Variants in TKFC observed in about 807,000 individuals in gnomAD.
The protein encoded by TKFC is triokinase and FMN cyclase.
Under a neutral mutation model 61.0 loss-of-function variants are expected in TKFC, and 46 were observed. That is an observed-to-expected ratio of 0.75 (90% CI 0.60 to 0.96). TKFC has a LOEUF of 0.96. Ranked by LOEUF, TKFC falls within the 50% of genes least tolerant of loss-of-function variation. The pLI, the probability that TKFC is intolerant of heterozygous loss-of-function variation, is 0.00. For missense variants in TKFC, 715 were observed against 777.5 expected (o/e 0.92, Z 0.96); for synonymous variants, 314 against 330.1 (o/e 0.95, Z 0.53).
rs1463094301 is a variant in TKFC, at chr11:61,347,475, G to C, written c.*972G>C. On this transcript the variant is annotated 3_prime_UTR_variant, in exon 18 of 18. Coordinates refer to ENST00000394900, the MANE Select transcript of TKFC (RefSeq NM_015533.4). ...GATGGCTTGGGCCCAGGAGGTCGAG[G>C]CTGCGGTGAGCCATAAGCATGCCAC... is the stretch of plus-strand genomic sequence containing the variant. 2 of 980,382 alleles carry C rather than the reference G, an allele frequency of 2.0e-6. No individual in the cohort carries two copies. Among genetic ancestry groups the C allele is most frequent in the Non-Finnish European group, 1.2e-6 (1 of 825,750 alleles). 60.7% of individuals were successfully genotyped at this position (980,382 alleles called of 1,614,324 possible).
chr11:61,334,598 G>A (rs1856524427), intron 1 of TKFC, 22 bp from the exon 2 acceptor site: 1 of 1,215,020 alleles, frequency 8.2e-7, no homozygotes, highest in Non-Finnish European at 1.2e-6. Flanking sequence ...TCCGCAGCTT[G>A]TATCGTTACC....
In TKFC at chr11:61,341,480, C is replaced by T. The variant is rs978212334; in HGVS notation, c.531C>T (p.Ile177=). ...LAEAGVGLEE[I]AKQVNVVAKA... Reference sequence around the variant, plus strand: ...AGGCTGGTGTGGGGCTGGAGGAGATCGCAAAGCAGGTGAACGTGGTCGCCA... The same window carrying T: ...AGGCTGGTGTGGGGCTGGAGGAGATTGCAAAGCAGGTGAACGTGGTCGCCA... Residue 177 remains isoleucine, a synonymous_variant, in exon 6 of 18, where the codon ATC becomes ATT. Transcript: ENST00000394900. The T allele has an allele frequency of 1.2e-5, 18 of 1,555,144 alleles. No homozygotes were observed. Among genetic ancestry groups the T allele is most frequent in the African/African-American group, 2.7e-5 (2 of 73,356 alleles).
At chr11:61,351,121 C>T (rs1230655241), downstream of TKFC, 1 of 1,613,640 alleles carries the variant, frequency 6.2e-7, no homozygotes, top group Non-Finnish European at 8.5e-7. Flanking sequence ...ACTGGGCAGG[C>T]TGTGGTATGG....
Position 61,344,148 on chromosome 11 carries a change from A to T in TKFC, c.1115A>T (p.Lys372Met). The T allele has an allele frequency of 6.2e-7, 1 of 1,612,272 alleles. No individual in the cohort carries two copies. The highest frequency in any genetic ancestry group is 8.5e-7 in the Non-Finnish European group (1 of 1,179,994). ...DSTAAGGSAS[K>M]RMALVLERVC... is the part of the protein sequence containing the mutation. ...CCTCCCTTTCTAGGCTCAGCCTCGA[A>T]GCGGATGGCGCTGGTGCTGGAACGG... is the stretch of plus-strand genomic sequence containing the variant. Residue 372 changes from lysine (K) to methionine (M), a missense_variant, in exon 13 of 18, where the codon AAG becomes ATG. Transcript: ENST00000394900.
At chr11:61,350,466 G>A (rs200462304), downstream of TKFC, 365 of 1,606,948 alleles carry the variant, frequency 2.3e-4, 2 homozygotes, top group African/African-American at 4.4e-3. Context: ...ACATGATGCA[G>A]GAGTCACACC....
At chr11:61,341,952 T>C (rs573143928) in intron 7 of TKFC, 40 bp downstream of exon 7, 43 of 1,584,978 alleles carry the variant, frequency 2.7e-5, no homozygotes, top group Admixed American at 1.4e-4. Flanking sequence ...GCCTGCTCCT[T>C]GGCCCTGGAC....
Position 61,334,591 on chromosome 11 carries a change from G to A in TKFC, c.-109-29G>A, listed in dbSNP as rs139003870. On this transcript the variant is annotated intron_variant, in intron 1 of 17. Coordinates refer to ENST00000394900, the MANE Select transcript of TKFC (RefSeq NM_015533.4). Reference sequence around the variant, plus strand: ...TGCCAGTCGACTGCGAGTTCCTTCCGCAGCTTGTATCGTTACCCACTCCTG... The same window carrying A: ...TGCCAGTCGACTGCGAGTTCCTTCCACAGCTTGTATCGTTACCCACTCCTG... 1.5e-3 allele frequency: 1,758 copies of A among 1,139,366 alleles called. 25 individuals are homozygous for A. The African/African-American group carries it at 0.024, about 16-fold the overall frequency. The allele number at this position is 1,139,366 out of a possible 1,614,324, so 70.6% of individuals were successfully genotyped here. A position where few individuals can be genotyped will look rare whatever the true frequency, so the allele number is the denominator to read the frequency against.
chr11:61,338,775 A>AG (rs1297097597), intron 3 of TKFC, among the ~76,000 whole-genome samples: 5 of 152,174 alleles, frequency 3.3e-5, no homozygotes, highest in Non-Finnish European at 7.4e-5. Context: ...ACGAAAGTAA[A>AG]TGAGATCATT....
Position 61,339,182 on chromosome 11 carries a change from C to T in TKFC, c.304+6C>T. On this transcript the variant is annotated splice_donor_region_variant and intron_variant, in intron 4 of 17. Transcript: ENST00000394900. ...CGTGGCCCAGGCCGGCACAGGTAAG[C>T]CTGGCATGCAGGAGGGGCTGCGGCA... is the stretch of plus-strand genomic sequence containing the variant. 1.2e-6 allele frequency: 2 copies of T among 1,613,234 alleles called. No homozygotes were observed. The highest frequency in any genetic ancestry group is 2.7e-5 in the African/African-American group (2 of 75,048).
At position 61,342,612 on chromosome 11, in the gene TKFC, C is replaced by G. The variant is rs1856909429; in HGVS notation, c.729C>G (p.Asp243Glu). The stretch of plus-strand genomic sequence containing the variant: ...ATGAGATTGTGAAACTCATGCTCGA[C>G]CACATGACAAACACCACCAACGCGT... ...TADEIVKLML[D>E]HMTNTTNASH... The change falls in exon 9 of 18, where the codon GAC becomes GAG. Residue 243 changes from aspartate (D) to glutamate (E), a missense_variant. Asp to Glu is a conservative substitution (Grantham distance 45). Coordinates refer to ENST00000394900, the MANE Select transcript of TKFC (RefSeq NM_015533.4). The G allele has an allele frequency of 1.2e-6, 2 of 1,614,068 alleles. No homozygotes were observed. Among genetic ancestry groups the G allele is most frequent in the Non-Finnish European group, 1.7e-6 (2 of 1,180,036 alleles).
At chr11:61,352,565 G>C (rs1260650602), downstream of TKFC, 1 of 194,332 alleles carries the variant, frequency 5.1e-6, no homozygotes, top group Admixed American at 5.4e-5. Flanking sequence ...GGAGGCAGAG[G>C]CAGGAGAATT....
chr11:61,342,610 G>A lies in TKFC; in HGVS notation c.727G>A (p.Asp243Asn), dbSNP rs758305865. Residue 243 changes from aspartate to asparagine, a missense_variant, in exon 9 of 18, where the codon GAC becomes AAC. Transcript: ENST00000394900. ...TADEIVKLML[D>N]HMTNTTNASH... ...CGATGAGATTGTGAAACTCATGCTC[G>A]ACCACATGACAAACACCACCAACGC... 9.3e-6 allele frequency: 15 copies of A among 1,613,952 alleles called. No individual in the cohort carries two copies. Among genetic ancestry groups the A allele is most frequent in the Admixed American group, 3.3e-5 (2 of 60,026 alleles).
Position 61,347,174 on chromosome 11 carries a change from C to G in TKFC, c.*671C>G. The G allele has an allele frequency of 1.0e-6, 1 of 985,372 alleles. No homozygotes were observed. Among genetic ancestry groups the G allele is most frequent in the Non-Finnish European group, 1.2e-6 (1 of 829,956 alleles). 61.0% of individuals were successfully genotyped at this position (985,372 alleles called of 1,614,324 possible). ...TTGAATTAATAATTCAGTGGCTCCT[C>G]GGGAGTCGAATGGGCATTTGGGACA... On this transcript the variant is annotated 3_prime_UTR_variant, in exon 18 of 18. Transcript: ENST00000394900.
chr11:61,341,580 A>G, intron 6 of TKFC, 66 bp downstream of exon 6: 1 of 1,524,648 alleles, frequency 6.6e-7, no homozygotes, highest in South Asian at 1.2e-5. Context: ...GGCGAGGAGC[A>G]GGTTCCTGTT....
chr11:61,338,066 C>T lies in TKFC; in HGVS notation c.129C>T (p.Asp43=). 2 of 1,611,898 alleles carry T rather than the reference C, an allele frequency of 1.2e-6. No individual in the cohort carries two copies. The highest frequency in any genetic ancestry group is 1.7e-6 in the Non-Finnish European group (2 of 1,179,692). ...GHRVALRSDL[D]SLKGRVALLS... is the part of the protein sequence containing the mutation. ...GCGTGGCCCTCCGTTCTGACCTGGA[C>T]AGCCTCAAGGGCCGGGTGGCACTGC... is the stretch of plus-strand genomic sequence containing the variant. Residue 43 remains aspartate (D), a synonymous_variant, in exon 3 of 18, where the codon GAC becomes GAT. Coordinates refer to ENST00000394900, the MANE Select transcript of TKFC (RefSeq NM_015533.4).
In TKFC at chr11:61,333,316, A is replaced by G; in HGVS notation, c.-123A>G. The G allele has an allele frequency of 5.0e-6, 1 of 199,866 alleles. No homozygotes were observed. 12.4% of individuals were successfully genotyped at this position (199,866 alleles called of 1,614,324 possible). A position where few individuals can be genotyped will look rare whatever the true frequency, so the allele number is the denominator to read the frequency against. ...TTCGGATGTGGCGGATGCGGCCGTG[A>G]GCCGGCGGGGGAGGTGCGCCAGTGT... is the stretch of plus-strand genomic sequence containing the variant. On this transcript the variant is annotated 5_prime_UTR_variant, in exon 1 of 18. The change abolishes the stop of an existing upstream ORF in the 5' untranslated region. Coordinates refer to ENST00000394900, the MANE Select transcript of TKFC (RefSeq NM_015533.4).
At chr11:61,345,806 A>G (rs761227945) in intron 16 of TKFC, 51 bp from the exon 17 acceptor site, 15 of 1,613,936 alleles carry the variant, frequency 9.3e-6, no homozygotes, top group Non-Finnish European at 1.0e-5. Context: ...TCTAAAGAGC[A>G]CCCTCGGTTG....
At position 61,347,845 on chromosome 11, in the gene TKFC, T is replaced by A; in HGVS notation, c.*1342T>A. On this transcript the variant is annotated 3_prime_UTR_variant, in exon 18 of 18. Coordinates refer to ENST00000394900, the MANE Select transcript of TKFC (RefSeq NM_015533.4). ...GGGGACATGAAAGGATTCAAATGAA[T>A]TGATGAAGATGGGCCATAAAGCCCA... 2.0e-6 allele frequency: 2 copies of A among 980,342 alleles called. No individual in the cohort carries two copies. The highest frequency in any genetic ancestry group is 2.4e-6 in the Non-Finnish European group (2 of 825,348). 60.7% of individuals were successfully genotyped at this position (980,342 alleles called of 1,614,324 possible).
intron 3 of TKFC, among the ~76,000 whole-genome samples, chr11:61,338,379 G>T (rs1856705590): frequency 6.6e-6 from 1 of 152,140 alleles, no homozygotes; most frequent in African/African-American, 2.4e-5. Context: ...CTGAGAGTCG[G>T]TGATTCCATG....
Sources: allele counts gnomAD v4.1 joint callset (sites outside exome capture counted in the v4.1 genomes callset), GRCh38; gene constraint gnomAD v4.1.1; transcripts MANE v1.5; gene names NCBI Gene and HGNC (gene_info 2026-07-23, HGNC 2026-07-21).